The following MYO18B variants were observed in gnomAD, a reference collection of about 807,000 sequenced individuals.
MYO18B encodes the protein myosin XVIIIB.
In MYO18B, 204 loss-of-function variants were observed where a neutral mutation model predicts 273.0. That is an observed-to-expected ratio of 0.75 (90% confidence interval 0.67 to 0.84). MYO18B has a LOEUF of 0.84. Ranked by LOEUF, MYO18B falls within the 40% of genes least tolerant of loss-of-function variation. MYO18B has a pLI of 0.00. For missense variants in MYO18B, 3,212 were observed against 3,287.6 expected (o/e 0.98, Z 0.56); for synonymous variants, 1,330 against 1,305.7 (o/e 1.02, Z -0.40).
chr22:25,803,494 A>G (rs1312406329), intron 12 of MYO18B, among the ~76,000 whole-genome samples: 6 of 152,062 alleles, frequency 3.9e-5, no homozygotes, highest in Non-Finnish European at 8.8e-5. Context: ...TGGCTTGCAC[A>G]ACAGGTAAAA....
intron 16 of MYO18B, among the ~76,000 whole-genome samples, chr22:25,833,531 T>A (rs2089789344): frequency 6.6e-6 from 1 of 152,192 alleles, no homozygotes; most frequent in African/African-American, 2.4e-5. Flanking sequence ...CTACCCCAGA[T>A]CTGCACCTCT....
intron 34 of MYO18B, among the ~76,000 whole-genome samples, chr22:25,944,214 A>G (rs1486660632): frequency 3.3e-5 from 5 of 152,134 alleles, no homozygotes; most frequent in Non-Finnish European, 7.3e-5. Context: ...TCTTCTGTCC[A>G]TTATGCTCTA....
intron 21 of MYO18B, among the ~76,000 whole-genome samples, chr22:25,854,352 C>T (rs141783226): frequency 6.6e-6 from 1 of 152,242 alleles, no homozygotes; most frequent in African/African-American, 2.4e-5. Flanking sequence ...TGAGCTAAGA[C>T]AGTATTCAAA....
At chr22:25,742,750 G>A (rs1390588355) in intron 1 of MYO18B, among the ~76,000 whole-genome samples, 1 of 152,140 alleles carries the variant, frequency 6.6e-6, no homozygotes, top group Non-Finnish European at 1.5e-5. Context: ...CTGTTGAGTC[G>A]AAATGTTAAT....
At chr22:26,032,763 T>C (rs1483063157), downstream of MYO18B, among the ~76,000 whole-genome samples, 1 of 152,092 alleles carries the variant, frequency 6.6e-6, no homozygotes, top group Non-Finnish European at 1.5e-5. Context: ...CCTCAGGTGA[T>C]CCACCTGCCT....
intron 38 of MYO18B, among the ~76,000 whole-genome samples, chr22:25,952,791 C>A (rs1172928708): frequency 6.6e-6 from 1 of 152,168 alleles, no homozygotes; most frequent in Non-Finnish European, 1.5e-5. Context: ...TGATCCAGTT[C>A]TTCCTACCTC....
At chr22:26,035,146 A>G (rs1166699714), downstream of MYO18B, among the ~76,000 whole-genome samples, 4 of 152,212 alleles carry the variant, frequency 2.6e-5, no homozygotes, top group African/African-American at 9.7e-5. Context: ...CATATCGCAG[A>G]CCATGAGTAT....
In MYO18B at chr22:25,921,849, T is replaced by TGC. The variant is rs1349852394; in HGVS notation, c.5517+441_5517+442insCG. Among the ~76,000 whole-genome samples the TGC allele has an allele frequency of 4.1e-3, 584 of 141,652 alleles. 5 individuals carry two copies. The highest frequency in any genetic ancestry group is 0.014 in the African/African-American group (550 of 38,786). The allele number at this position is 141,652 out of a possible 152,430, so 92.9% of individuals were successfully genotyped here. A position where few individuals can be genotyped will look rare whatever the true frequency, so the allele number is the denominator to read the frequency against. ...GTGTGTGTGTGTGTGTGTGTGTGTG[T>TGC]GTGTGTGGTGACTGCCAGGACTAGG... On this transcript the variant is annotated intron_variant, in intron 34 of 43. Coordinates refer to ENST00000335473, the MANE Select transcript of MYO18B (RefSeq NM_032608.7).
At chr22:25,990,373 G>C in intron 39 of MYO18B, among the ~76,000 whole-genome samples, 1 of 151,968 alleles carries the variant, frequency 6.6e-6, no homozygotes, top group East Asian at 1.9e-4. Context: ...GCTGGCTTTA[G>C]TTTCCTCATC....
intron 34 of MYO18B, among the ~76,000 whole-genome samples, chr22:25,935,074 G>A (rs1377776739): frequency 6.6e-6 from 1 of 152,180 alleles, no homozygotes; most frequent in Admixed American, 6.5e-5. Flanking sequence ...CATTAATAGT[G>A]TAACTGAAAA....
At chr22:25,938,374 G>A (rs2092605659) in intron 34 of MYO18B, among the ~76,000 whole-genome samples, 1 of 152,246 alleles carries the variant, frequency 6.6e-6, no homozygotes, top group Admixed American at 6.5e-5. Context: ...ACAGAGGTGG[G>A]TGAGGGGAGA....
At chr22:25,802,943 A>C (rs1264584822) in intron 12 of MYO18B, among the ~76,000 whole-genome samples, 1 of 149,762 alleles carries the variant, frequency 6.7e-6, no homozygotes, top group African/African-American at 2.5e-5. Context: ...GTCTTTTATG[A>C]CTGGCTGCTT....
intron 12 of MYO18B, among the ~76,000 whole-genome samples, chr22:25,804,147 C>A (rs1489610134): frequency 1.3e-5 from 2 of 152,224 alleles, no homozygotes; most frequent in Non-Finnish European, 2.9e-5. Context: ...ACTTTCTCTG[C>A]AGCTACAAAT....
rs892361656 is a variant in MYO18B at position 26,027,183 on chromosome 22, G to A, written c.7209G>A (p.Pro2403=). ...GCTGTCCAGACCTTGGAAAGGAGCCGCTTGTTTTCCAGAACCGCCAGTTTG... is the reference window on the plus strand; with the variant it reads ...GCTGTCCAGACCTTGGAAAGGAGCCACTTGTTTTCCAGAACCGCCAGTTTG... ...DAGCPDLGKE[P]LVFQNRQFAH... Residue 2403 remains proline (P), a synonymous_variant, in exon 43 of 44, where the codon CCG becomes CCA. Transcript: ENST00000335473. The surrounding 1 kb of genome is among the most constrained non-coding windows in gnomAD (Gnocchi z 4.1). 11 of 1,613,810 alleles carry A rather than the reference G, an allele frequency of 6.8e-6. No homozygotes were observed. Among genetic ancestry groups the A allele is most frequent in the African/African-American group, 2.7e-5 (2 of 74,900 alleles).
At chr22:25,988,411 T>A (rs1468612954) in intron 39 of MYO18B, among the ~76,000 whole-genome samples, 1 of 152,036 alleles carries the variant, frequency 6.6e-6, no homozygotes, top group Non-Finnish European at 1.5e-5. Flanking sequence ...GAGGATGGGA[T>A]GCAGAGGGCG....
chr22:25,798,324 A>G (rs916322071), intron 12 of MYO18B, among the ~76,000 whole-genome samples: 6 of 152,212 alleles, frequency 3.9e-5, no homozygotes, highest in African/African-American at 1.2e-4. Flanking sequence ...ACTTTCTGCA[A>G]TGATGGAGAT....
chr22:25,970,791 G>A (rs1286642892), intron 39 of MYO18B, among the ~76,000 whole-genome samples: 2 of 151,068 alleles, frequency 1.3e-5, no homozygotes, highest in African/African-American at 2.5e-5. Context: ...CAGTGGTTTG[G>A]AGACAAAGCG....
At chr22:25,767,644 A>T (rs1333298235) in intron 3 of MYO18B, among the ~76,000 whole-genome samples, 1 of 152,098 alleles carries the variant, frequency 6.6e-6, no homozygotes, top group Admixed American at 6.5e-5. Context: ...TGGATCCCCT[A>T]CTCGCCTAGG....
In MYO18B at chr22:25,849,063, A is replaced by G. The variant is rs559866154; in HGVS notation, c.3775+1411A>G. On this transcript the variant is annotated intron_variant, in intron 20 of 43. Coordinates refer to ENST00000335473, the MANE Select transcript of MYO18B (RefSeq NM_032608.7). ...GAGGAGGGAGACAGATAATGTCACAAGAGAAGAGGGGGATGGTCACAGCCA... is the reference window on the plus strand; with the variant it reads ...GAGGAGGGAGACAGATAATGTCACAGGAGAAGAGGGGGATGGTCACAGCCA... Among the ~76,000 whole-genome samples the G allele has an allele frequency of 8.1e-4, 124 of 152,378 alleles. 1 individual carries two copies. The highest frequency in any genetic ancestry group is 2.8e-3 in the African/African-American group (117 of 41,588).
Sources: gnomAD v4.1 joint callset for allele counts (sites outside exome capture counted in the v4.1 genomes callset) on GRCh38, gnomAD v4.1.1 for gene constraint, Gnocchi (gnomAD v3.1) non-coding constraint, MANE v1.5 for transcripts, NCBI Gene and HGNC (gene_info 2026-07-23, HGNC 2026-07-21) for gene names.